Variants in RITA1 observed in about 807,000 individuals in gnomAD.
RITA1 encodes the protein RBPJ-interacting and tubulin-associated protein 1.
RITA1 carries 15 observed loss-of-function variants against 8.7 expected under a neutral mutation model. The observed-to-expected ratio is 1.72, with a 90% CI of 1.15 to 2.65. The LOEUF is 2.65. Ranked by LOEUF, RITA1 falls within the 30% of genes most tolerant of loss-of-function variation. The pLI is 0.00. For synonymous variants in RITA1, 145 were observed against 156.2 expected (o/e 0.93, Z 0.53); for missense variants, 330 against 363.8 (o/e 0.91, Z 0.76).
chr12:113,191,224 G>A lies in RITA1; in HGVS notation c.303-86G>A, dbSNP rs1311586691. The stretch of plus-strand genomic sequence containing the variant: ...CTGCAGGCAACCCTCCTCTGCTGCT[G>A]CCATCCCAGGGTGGGTGGGAGAGCT... On this transcript the variant is annotated intron_variant, in intron 3 of 3. Transcript: ENST00000548278. The surrounding 1 kb of genome is among the most constrained non-coding windows in gnomAD (Gnocchi z 4.0). 1.4e-6 allele frequency: 2 copies of A among 1,462,246 alleles called. No homozygotes were observed. The highest frequency in any genetic ancestry group is 1.8e-6 in the Non-Finnish European group (2 of 1,108,676). The allele number at this position is 1,462,246 out of a possible 1,614,324, so 90.6% of individuals were successfully genotyped here.
intron 3 of RITA1, 124 bp downstream of exon 3, chr12:113,187,172 T>G (rs748816116): frequency 2.9e-6 from 3 of 1,051,828 alleles, no homozygotes; most frequent in Non-Finnish European, 4.0e-6. Flanking sequence ...GCCAGTTTAC[T>G]CATGTGGAAA....
Position 113,186,592 on chromosome 12 carries a change from A to C in RITA1, c.-64-91A>C. Reference sequence around the variant, plus strand: ...TTGAGAGACTGGTTGAGAGAGAACTAAACCCTTGGGATGAGAACTTCAGAC... The same window carrying C: ...TTGAGAGACTGGTTGAGAGAGAACTCAACCCTTGGGATGAGAACTTCAGAC... On this transcript the variant is annotated intron_variant, in intron 2 of 3. Coordinates refer to ENST00000548278, the MANE Select transcript of RITA1 (RefSeq NM_032848.3). 7.0e-6 allele frequency: 10 copies of C among 1,437,638 alleles called. No individual in the cohort carries two copies. The South Asian group carries it at 1.5e-4, about 21-fold the overall frequency. The allele number at this position is 1,437,638 out of a possible 1,614,324, so 89.1% of individuals were successfully genotyped here.
chr12:113,186,949 A>G lies in RITA1; in HGVS notation c.203A>G (p.Lys68Arg). 6.2e-7 allele frequency: 1 copy of G among 1,614,064 alleles called. No homozygotes were observed. The highest frequency in any genetic ancestry group is 1.6e-4 in the Middle Eastern group (1 of 6,062). ...GCTAACAGAACCAGAGGCGTGGGCAAGGAGGCATCGAAGGCCTTGGGGGCA... is the reference window on the plus strand; with the variant it reads ...GCTAACAGAACCAGAGGCGTGGGCAGGGAGGCATCGAAGGCCTTGGGGGCA... ...EKANRTRGVG[K>R]EASKALGAKG... The change falls in exon 3 of 4, where the codon AAG (lysine) becomes AGG (arginine). Residue 68 changes from lysine (K) to arginine (R), a missense_variant. By Grantham distance (26) the Lys-to-Arg change is conservative. Coordinates refer to ENST00000548278, the MANE Select transcript of RITA1 (RefSeq NM_032848.3).
Position 113,186,297 on chromosome 12 carries a change from T to G in RITA1, c.-84T>G. The G allele has an allele frequency of 7.2e-7, 1 of 1,389,952 alleles. No homozygotes were observed. Among genetic ancestry groups the G allele is most frequent in the African/African-American group, 1.5e-5 (1 of 68,910 alleles). 86.1% of individuals were successfully genotyped at this position (1,389,952 alleles called of 1,614,324 possible). On this transcript the variant is annotated 5_prime_UTR_variant, in exon 2 of 4. Transcript: ENST00000548278. ...TGAGAGGATTAAATGAAACAATGCT[T>G]GTAAAGCTCTTTGCAGGAGGTAGGC... is the stretch of plus-strand genomic sequence containing the variant.
intron 3 of RITA1, among the ~76,000 whole-genome samples, chr12:113,190,264 G>A (rs1417037953): frequency 1.3e-5 from 2 of 150,242 alleles, no homozygotes; most frequent in African/African-American, 4.9e-5. Flanking sequence ...CCCAGGAGGC[G>A]GAGGTTGCAG....
Position 113,185,939 on chromosome 12 carries a change from C to CA in RITA1, c.-278dup, listed in dbSNP as rs778960195. On this transcript the variant is annotated 5_prime_UTR_variant, in exon 1 of 4. An upstream open reading frame in the 5' UTR loses its in-frame stop. Coordinates refer to ENST00000548278, the MANE Select transcript of RITA1 (RefSeq NM_032848.3). ...GATGCACCGCGCGCCCCCGCGCCCT[C>CA]ACCGACGGGTCCAGACCTGGTGGGA... The CA allele has an allele frequency of 7.4e-5, 113 of 1,519,158 alleles. No individual in the cohort carries two copies. The highest frequency in any genetic ancestry group is 9.8e-5 in the Non-Finnish European group (111 of 1,133,716). The allele number at this position is 1,519,158 out of a possible 1,614,324, so 94.1% of individuals were successfully genotyped here.
Position 113,191,889 on chromosome 12 carries a change from C to G in RITA1, c.*72C>G. On this transcript the variant is annotated 3_prime_UTR_variant, in exon 4 of 4. Coordinates refer to ENST00000548278, the MANE Select transcript of RITA1 (RefSeq NM_032848.3). This position sits in a 1 kb window ranked among gnomAD's most constrained non-coding sequence, Gnocchi z 4.0. ...CCCCTTGCCAGGGTAGGAGGACATT[C>G]ATCACCCAGGGAACCCCAGGTATTA... 2 of 1,509,088 alleles carry G rather than the reference C, an allele frequency of 1.3e-6. No homozygotes were observed. Among genetic ancestry groups the G allele is most frequent in the Non-Finnish European group, 1.8e-6 (2 of 1,127,058 alleles). 93.5% of individuals were successfully genotyped at this position (1,509,088 alleles called of 1,614,324 possible). A position where few individuals can be genotyped will look rare whatever the true frequency, so the allele number is the denominator to read the frequency against.
rs146328866 is a variant in RITA1, at chr12:113,191,760, G to A, written c.753G>A (p.Val251=). 3.8e-4 allele frequency: 606 copies of A among 1,613,644 alleles called. 1 individual carries two copies. In the African/African-American group the frequency reaches 6.1e-3, roughly 16 times the overall value. The change falls in exon 4 of 4, where the codon GTG becomes GTA. Residue 251 remains valine (V), a synonymous_variant. Transcript: ENST00000548278. The surrounding 1 kb of genome is among the most constrained non-coding windows in gnomAD (Gnocchi z 4.0). ...GGGCTCGCTCAGTTAGCATTTCAGT[G>A]CCATCTACCCCACGACGAGGTGGGG... is the stretch of plus-strand genomic sequence containing the variant. ...TSRARSVSIS[V]PSTPRRGGAT...
chr12:113,189,216 G>A (rs1445705626), intron 3 of RITA1, among the ~76,000 whole-genome samples: 1 of 152,078 alleles, frequency 6.6e-6, no homozygotes, highest in Non-Finnish European at 1.5e-5. Flanking sequence ...CAGTCCATAA[G>A]AACTGGCCAG....
intron 3 of RITA1, among the ~76,000 whole-genome samples, chr12:113,190,274 G>A (rs1356602015): frequency 6.6e-6 from 1 of 151,890 alleles, no homozygotes; most frequent in Non-Finnish European, 1.5e-5. Flanking sequence ...GGAGGTTGCA[G>A]TGAGCTGAGA....
In RITA1 at chr12:113,191,346, G is replaced by A; in HGVS notation, c.339G>A (p.Ser113=). 7.7e-6 allele frequency: 12 copies of A among 1,566,360 alleles called. No individual in the cohort carries two copies. The highest frequency in any genetic ancestry group is 1.2e-5 in the South Asian group (1 of 84,136). Residue 113 remains serine (S), a synonymous_variant, in exon 4 of 4, where the codon TCG becomes TCA. Transcript: ENST00000548278. This position sits in a 1 kb window ranked among gnomAD's most constrained non-coding sequence, Gnocchi z 4.0. Reference sequence around the variant, plus strand: ...ACACCCCGTCTTACTGTGATGAGTCGCTGTTTGGCTCCCGATCTGAAGGCG... The same window carrying A: ...ACACCCCGTCTTACTGTGATGAGTCACTGTTTGGCTCCCGATCTGAAGGCG... ...ISHTPSYCDE[S]LFGSRSEGAS... is the part of the protein sequence containing the mutation.
intron 3 of RITA1, among the ~76,000 whole-genome samples, chr12:113,189,099 C>G (rs1434391094): frequency 1.3e-5 from 2 of 151,922 alleles, no homozygotes; most frequent in Non-Finnish European, 2.9e-5. Flanking sequence ...TGTGAGCCAC[C>G]ATGTCTGGCC....
In RITA1 at chr12:113,186,923, G is replaced by C; in HGVS notation, c.177G>C (p.Lys59Asn). Residue 59 changes from lysine (K) to asparagine (N), a missense_variant, in exon 3 of 4, where the codon AAG becomes AAC. Physicochemically the swap from Lys to Asn is moderately conservative, Grantham distance 94. Coordinates refer to ENST00000548278, the MANE Select transcript of RITA1 (RefSeq NM_032848.3). ...PPDFDPPWVEKANRTRGVGKE... is the reference protein window; with the variant it reads ...PPDFDPPWVENANRTRGVGKE... ...ACTTCGATCCGCCCTGGGTGGAGAAGGCTAACAGAACCAGAGGCGTGGGCA... is the reference window on the plus strand; with the variant it reads ...ACTTCGATCCGCCCTGGGTGGAGAACGCTAACAGAACCAGAGGCGTGGGCA... 1 of 1,614,134 alleles carries C rather than the reference G, an allele frequency of 6.2e-7. No homozygotes were observed. The highest frequency in any genetic ancestry group is 8.5e-7 in the Non-Finnish European group (1 of 1,180,026).
intron 3 of RITA1, among the ~76,000 whole-genome samples, chr12:113,187,788 G>A (rs1952555228): frequency 1.3e-5 from 2 of 151,058 alleles, no homozygotes; most frequent in Admixed American, 1.3e-4. Context: ...ATTGAAAATG[G>A]TTCTTGCTGC....
chr12:113,186,363 G>C (rs1952536313), intron 2 of RITA1, 47 bp downstream of exon 2: 2 of 1,371,210 alleles, frequency 1.5e-6, no homozygotes, highest in Non-Finnish European at 1.9e-6. Context: ...ACCCCCATCA[G>C]TACACATAGG....
At position 113,191,370 on chromosome 12, in the gene RITA1, C is replaced by T. The variant is rs760025877; in HGVS notation, c.363C>T (p.Gly121=). Residue 121 remains glycine (G), a synonymous_variant, in exon 4 of 4, where the codon GGC becomes GGT. Coordinates refer to ENST00000548278, the MANE Select transcript of RITA1 (RefSeq NM_032848.3). This position sits in a 1 kb window ranked among gnomAD's most constrained non-coding sequence, Gnocchi z 4.0. ...CGCTGTTTGGCTCCCGATCTGAAGG[C>T]GCCAGCTTCGGGGCCCCGCGGATGG... ...DESLFGSRSE[G]ASFGAPRMAK... 9.4e-6 allele frequency: 15 copies of T among 1,590,890 alleles called. No individual in the cohort carries two copies. The highest frequency in any genetic ancestry group is 2.7e-5 in the African/African-American group (2 of 74,420).
intron 3 of RITA1, among the ~76,000 whole-genome samples, chr12:113,190,339 AAAAGAAAAAG>A (rs967794679): frequency 7.9e-5 from 12 of 151,266 alleles, no homozygotes; most frequent in Non-Finnish European, 1.8e-4. Context: ...CTCAGAAAAA[AAAAGAAAAAG>A]AAAGAAAGAA....
In RITA1 at chr12:113,186,746, C is replaced by T. The variant is rs141942720; in HGVS notation, c.-1C>T. On this transcript the variant is annotated 5_prime_UTR_variant, in exon 3 of 4. Coordinates refer to ENST00000548278, the MANE Select transcript of RITA1 (RefSeq NM_032848.3). ...TGCTGTCACCAGGGACCACAGGCAG[C>T]ATGAAGACCCCCGTGGAGCTGGCCG... 1.9e-6 allele frequency: 3 copies of T among 1,612,190 alleles called. No individual in the cohort carries two copies. Among genetic ancestry groups the T allele is most frequent in the South Asian group, 2.2e-5 (2 of 91,062 alleles).
chr12:113,186,615 G>C, intron 2 of RITA1, 68 bp from the exon 3 acceptor site: 1 of 1,459,146 alleles, frequency 6.9e-7, no homozygotes, highest in Non-Finnish European at 9.1e-7. Flanking sequence ...GAGAACTTCA[G>C]ACACTACCGG....
Sources: allele counts gnomAD v4.1 joint callset (sites outside exome capture counted in the v4.1 genomes callset), GRCh38; gene constraint gnomAD v4.1.1; non-coding constraint Gnocchi (gnomAD v3.1); transcripts MANE v1.5; gene names NCBI Gene and HGNC (gene_info 2026-07-23, HGNC 2026-07-21).